SLC9A9: variants seen among roughly 807,000 people sequenced by gnomAD.
SLC9A9 encodes the protein solute carrier family 9 member A9.
A neutral mutation model predicts 77.8 loss-of-function variants in SLC9A9; 62 were observed. The observed-to-expected ratio is 0.80, with a 90% confidence interval of 0.65 to 0.98. SLC9A9 has a LOEUF of 0.98. SLC9A9 is among the 50% of genes least tolerant of loss of function. The probability of loss-of-function intolerance (pLI) is 0.00; values close to 1 mark genes in which losing one functional copy is unlikely to be tolerated. For missense variants in SLC9A9, 775 were observed against 774.9 expected, an observed-to-expected ratio of 1.00 and a Z score of 0.00; for synonymous variants, 320 against 283.5, an observed-to-expected ratio of 1.13 and a Z score of -1.29.
At position 143,361,881 on chromosome 3, in the gene SLC9A9, T is replaced by G. The variant is rs536794253; in HGVS notation, c.1604+1603A>C. On this transcript the variant is annotated intron_variant, in intron 14 of 15. Transcript: ENST00000316549. ...TTTTTCACTTTATTCCTTTTCTTCA[T>G]TGTAAAGCTTTCCTCATAGCATTGT... Among the ~76,000 whole-genome samples the G allele has an allele frequency of 1.3e-3, 203 of 152,340 alleles. 5 individuals carry two copies. The South Asian group carries it at 0.04, about 30-fold the overall frequency.
intron 12 of SLC9A9, among the ~76,000 whole-genome samples, chr3:143,455,767 C>G (rs947356332): frequency 2.0e-5 from 3 of 151,072 alleles, no homozygotes; most frequent in Non-Finnish European, 3.0e-5. Context: ...ACCATGTATC[C>G]TACAACCTAA....
At chr3:143,294,405 T>C (rs1241002324) in intron 14 of SLC9A9, among the ~76,000 whole-genome samples, 1 of 152,192 alleles carries the variant, frequency 6.6e-6, no homozygotes, top group Non-Finnish European at 1.5e-5. Context: ...ACAGTGCATT[T>C]TCAAATCTTG....
At chr3:143,796,539 A>G (rs2008389663) in intron 3 of SLC9A9, among the ~76,000 whole-genome samples, 1 of 152,216 alleles carries the variant, frequency 6.6e-6, no homozygotes, top group Admixed American at 6.5e-5. Flanking sequence ...AATAAATACA[A>G]AATCTTTAAA....
chr3:143,384,226 G>A (rs2033368233), intron 12 of SLC9A9, among the ~76,000 whole-genome samples: 2 of 151,528 alleles, frequency 1.3e-5, no homozygotes, highest in Admixed American at 1.3e-4. Flanking sequence ...AGGGGTGGGG[G>A]TGGCCTGCCT....
At chr3:143,626,456 A>G (rs1358281903) in intron 6 of SLC9A9, among the ~76,000 whole-genome samples, 3 of 152,314 alleles carry the variant, frequency 2.0e-5, no homozygotes, top group African/African-American at 7.2e-5. Flanking sequence ...ATGAGTTCAT[A>G]TCCTTTGTAG....
At chr3:143,378,539 A>T (rs2033233247) in intron 13 of SLC9A9, among the ~76,000 whole-genome samples, 2 of 152,236 alleles carry the variant, frequency 1.3e-5, no homozygotes, top group South Asian at 4.1e-4. Flanking sequence ...GTACGATCAA[A>T]TGGCAAAAGG....
At chr3:143,637,717 T>C (rs1054433510) in intron 6 of SLC9A9, among the ~76,000 whole-genome samples, 4 of 152,202 alleles carry the variant, frequency 2.6e-5, no homozygotes, top group African/African-American at 9.6e-5. Context: ...TAGATATGTA[T>C]ACTAAAGTTG....
intron 12 of SLC9A9, among the ~76,000 whole-genome samples, chr3:143,428,011 C>G (rs1408276961): frequency 6.6e-6 from 1 of 152,160 alleles, no homozygotes. Flanking sequence ...AGAAATGCTT[C>G]ATGAAATTGA....
chr3:143,844,761 CTTTCTTTCTTTCTTTCTTT>C (rs2009793984), intron 1 of SLC9A9, among the ~76,000 whole-genome samples: 3 of 147,264 alleles, frequency 2.0e-5, no homozygotes, highest in African/African-American at 7.6e-5. Context: ...TTCTTTCTTT[CTTTCTTTCTTTCTTTCTTT>C]CTTTCTTTCT....
At chr3:143,334,327 G>T (rs2031861979) in intron 14 of SLC9A9, among the ~76,000 whole-genome samples, 1 of 152,220 alleles carries the variant, frequency 6.6e-6, no homozygotes, top group African/African-American at 2.4e-5. Flanking sequence ...TACGATCCTG[G>T]TCATTAGATT....
At chr3:143,454,959 A>G (rs2035064126) in intron 12 of SLC9A9, among the ~76,000 whole-genome samples, 1 of 152,200 alleles carries the variant, frequency 6.6e-6, no homozygotes, top group Non-Finnish European at 1.5e-5. Context: ...CTCTCTTCTT[A>G]TAAAAAGGTT....
chr3:143,345,107 TATA>T (rs1255864957), intron 14 of SLC9A9, among the ~76,000 whole-genome samples: 8 of 152,286 alleles, frequency 5.3e-5, no homozygotes, highest in African/African-American at 1.9e-4. Context: ...TGGTTTTGGA[TATA>T]ATGACTGTGT....
At chr3:143,549,377 T>A (rs1325698226) in intron 9 of SLC9A9, among the ~76,000 whole-genome samples, 5 of 152,124 alleles carry the variant, frequency 3.3e-5, no homozygotes, top group African/African-American at 1.2e-4. Context: ...GTACATAGGC[T>A]GTGTATGTAC....
intron 4 of SLC9A9, among the ~76,000 whole-genome samples, chr3:143,741,034 A>C (rs1269554192): frequency 2.6e-5 from 4 of 152,218 alleles, no homozygotes; most frequent in Non-Finnish European, 5.9e-5. Flanking sequence ...AGCTGCTTAC[A>C]TATAGAATGA....
At chr3:143,812,252 GAA>G (rs2008888805) in intron 2 of SLC9A9, among the ~76,000 whole-genome samples, 2 of 152,196 alleles carry the variant, frequency 1.3e-5, no homozygotes, top group African/African-American at 4.8e-5. Flanking sequence ...CCTCACCGGA[GAA>G]TTTATCCTGC....
At chr3:143,479,291 A>G (rs2035533495) in intron 11 of SLC9A9, among the ~76,000 whole-genome samples, 2 of 152,150 alleles carry the variant, frequency 1.3e-5, no homozygotes, top group Non-Finnish European at 2.9e-5. Context: ...ACTCTTGCCC[A>G]GGCTGGAGTG....
At chr3:143,440,201 C>T (rs1303999080) in intron 12 of SLC9A9, among the ~76,000 whole-genome samples, 1 of 152,140 alleles carries the variant, frequency 6.6e-6, no homozygotes, top group African/African-American at 2.4e-5. Context: ...GGGAGACCCA[C>T]CTAGGGATTT....
chr3:143,410,416 C>T (rs186940887), intron 12 of SLC9A9, among the ~76,000 whole-genome samples: 3 of 152,254 alleles, frequency 2.0e-5, no homozygotes, highest in African/African-American at 7.2e-5. Flanking sequence ...TCTTTCTTCT[C>T]CATTCTCTCA....
chr3:143,791,365 A>G (rs966118329), intron 4 of SLC9A9, among the ~76,000 whole-genome samples: 7 of 152,208 alleles, frequency 4.6e-5, no homozygotes, highest in African/African-American at 1.4e-4. Flanking sequence ...AATAAACCCA[A>G]TGATCTCCAT....
Sources: gnomAD v4.1 joint callset for allele counts (sites outside exome capture counted in the v4.1 genomes callset) on GRCh38, gnomAD v4.1.1 for gene constraint, MANE v1.5 for transcripts, NCBI Gene and HGNC (gene_info 2026-07-23, HGNC 2026-07-21) for gene names.